SLC25A21: variants seen among roughly 807,000 people sequenced by gnomAD.
The protein encoded by SLC25A21 is solute carrier family 25 member 21, also known as mitochondrial 2-oxodicarboxylate carrier.
Under a neutral mutation model 43.8 loss-of-function variants are expected in SLC25A21, and 47 were observed. That is an observed-to-expected ratio of 1.07 (90% CI 0.85 to 1.37). The LOEUF is 1.37. SLC25A21 is among the 40% of genes most tolerant of loss of function. The pLI is 0.00. For missense variants in SLC25A21, 352 were observed against 350.2 expected, an observed-to-expected ratio of 1.00 and a Z score of -0.04; for synonymous variants, 131 against 121.3, an observed-to-expected ratio of 1.08 and a Z score of -0.52.
intron 2 of SLC25A21, among the ~76,000 whole-genome samples, chr14:36,854,855 C>A (rs1889850004): frequency 1.3e-5 from 2 of 150,604 alleles, no homozygotes; most frequent in South Asian, 4.2e-4. Context: ...ATGACACCTG[C>A]TAAGAGACTG....
intron 3 of SLC25A21, among the ~76,000 whole-genome samples, chr14:36,747,243 T>C (rs1885535666): frequency 6.6e-6 from 1 of 152,162 alleles, no homozygotes; most frequent in Non-Finnish European, 1.5e-5. Flanking sequence ...TTTGATGTTA[T>C]TTGTCAGTAA....
intron 6 of SLC25A21, among the ~76,000 whole-genome samples, chr14:36,718,418 T>C (rs1183094897): frequency 2.0e-5 from 3 of 152,202 alleles, no homozygotes; most frequent in Non-Finnish European, 4.4e-5. Flanking sequence ...CTTAACCCAA[T>C]ACATCATCAT....
At chr14:37,072,943 A>G (rs900734683) in intron 1 of SLC25A21, among the ~76,000 whole-genome samples, 1 of 152,208 alleles carries the variant, frequency 6.6e-6, no homozygotes, top group South Asian at 2.1e-4. Context: ...AATAAAAGCT[A>G]TACACATTTA....
intron 7 of SLC25A21, among the ~76,000 whole-genome samples, chr14:36,687,463 C>T (rs1245096236): frequency 6.6e-6 from 1 of 152,178 alleles, no homozygotes; most frequent in African/African-American, 2.4e-5. Context: ...GGACCCAAGT[C>T]TAGGAATCAG....
intron 7 of SLC25A21, among the ~76,000 whole-genome samples, chr14:36,699,541 T>C (rs1883186966): frequency 6.6e-6 from 1 of 152,218 alleles, no homozygotes; most frequent in Non-Finnish European, 1.5e-5. Flanking sequence ...TATTCAGCTA[T>C]GCCTTACCCA....
At chr14:36,952,411 G>A (rs1455522344) in intron 1 of SLC25A21, 5 of 152,192 alleles carry the variant, frequency 3.3e-5, no homozygotes, top group African/African-American at 1.2e-4. Flanking sequence ...TTTGTGGGGA[G>A]GAAGTCATTT....
chr14:36,984,430 TAC>T (rs1463594858), intron 1 of SLC25A21, among the ~76,000 whole-genome samples: 4 of 152,206 alleles, frequency 2.6e-5, no homozygotes, highest in African/African-American at 7.2e-5. Context: ...ACTCAATGTG[TAC>T]ACAGTTTTTA....
At chr14:37,100,028 A>ATGTTTGTTTGTT (rs71449968) in intron 1 of SLC25A21, among the ~76,000 whole-genome samples, 1 of 147,318 alleles carries the variant, frequency 6.8e-6, no homozygotes, top group African/African-American at 2.5e-5. Context: ...CACCACCTCT[A>ATGTTTGTTTGTT]TGTTTGTTTG....
intron 1 of SLC25A21, among the ~76,000 whole-genome samples, chr14:37,114,998 A>G (rs1442682604): frequency 6.6e-6 from 1 of 152,174 alleles, no homozygotes; most frequent in Admixed American, 6.5e-5. Flanking sequence ...GGCTCCAAGG[A>G]GACTGAAATA....
At chr14:37,061,181 GT>G (rs927066724) in intron 1 of SLC25A21, among the ~76,000 whole-genome samples, 2 of 152,070 alleles carry the variant, frequency 1.3e-5, no homozygotes, top group African/African-American at 4.8e-5. Flanking sequence ...AGACTAGGAG[GT>G]TAAGCCCTCC....
intron 7 of SLC25A21, among the ~76,000 whole-genome samples, chr14:36,696,945 T>C (rs114117085): frequency 0.032 from 4,884 of 152,238 alleles, 289 homozygotes; most frequent in East Asian, 0.29. Context: ...TTCTTGCCTT[T>C]TGCTAGCTTT....
At chr14:37,090,394 C>T (rs1323047451) in intron 1 of SLC25A21, among the ~76,000 whole-genome samples, 1 of 152,178 alleles carries the variant, frequency 6.6e-6, no homozygotes, top group African/African-American at 2.4e-5. Context: ...CTTCCCATCG[C>T]CATGTAGTTG....
At chr14:37,166,275 G>C (rs1348930528) in intron 1 of SLC25A21, among the ~76,000 whole-genome samples, 1 of 152,210 alleles carries the variant, frequency 6.6e-6, no homozygotes, top group Non-Finnish European at 1.5e-5. Flanking sequence ...TTGGCTAAAG[G>C]ATAATGTTTG....
At chr14:36,828,118 G>C (rs79410198) in intron 2 of SLC25A21, among the ~76,000 whole-genome samples, 3 of 7,526 alleles carry the variant, frequency 4.0e-4, no homozygotes, top group African/African-American at 5.5e-4. Context: ...GGTCTTCTGG[G>C]ACCATGTGAG....
intron 7 of SLC25A21, among the ~76,000 whole-genome samples, chr14:36,694,025 T>C (rs1194159527): frequency 1.3e-5 from 2 of 152,156 alleles, no homozygotes; most frequent in South Asian, 2.1e-4. Context: ...AACTCATCAT[T>C]TACATTAGGT....
chr14:36,966,927 ATG>A (rs1221087234), intron 1 of SLC25A21, among the ~76,000 whole-genome samples: 1 of 152,164 alleles, frequency 6.6e-6, no homozygotes, highest in African/African-American at 2.4e-5. Flanking sequence ...GGAAACTTCC[ATG>A]TGAACTTTTA....
intron 1 of SLC25A21, among the ~76,000 whole-genome samples, chr14:37,093,533 A>G (rs1247947645): frequency 2.6e-5 from 4 of 152,222 alleles, no homozygotes; most frequent in African/African-American, 7.2e-5. Context: ...TGCAACTGCA[A>G]CTGACTAACC....
At chr14:37,093,797 A>C (rs1250253195) in intron 1 of SLC25A21, among the ~76,000 whole-genome samples, 1 of 152,224 alleles carries the variant, frequency 6.6e-6, no homozygotes, top group Admixed American at 6.5e-5. Flanking sequence ...ATTTCTCTCC[A>C]ACGTGGTGGG....
rs1439232471 is a variant in SLC25A21 at position 36,680,037 on chromosome 14, G to GTAGGAAAA, written c.*613_*620dup. On this transcript the variant is annotated 3_prime_UTR_variant, in exon 10 of 10. Transcript: ENST00000331299. ...CAGCAATATGAGATATAAAGTAGAT[G>GTAGGAAAA]TAGGAAAATAGAGCTGATATGTGCA... The GTAGGAAAA allele has an allele frequency of 1.2e-6, 1 of 868,568 alleles. No individual in the cohort carries two copies. The highest frequency in any genetic ancestry group is 1.3e-4 in the East Asian group (1 of 7,622). 53.8% of individuals were successfully genotyped at this position (868,568 alleles called of 1,614,324 possible).
Sources: allele counts gnomAD v4.1 joint callset (sites outside exome capture counted in the v4.1 genomes callset), GRCh38; gene constraint gnomAD v4.1.1; transcripts MANE v1.5; gene names NCBI Gene and HGNC (gene_info 2026-07-23, HGNC 2026-07-21).